Variants in TRHDE observed in about 807,000 individuals in gnomAD.
The protein encoded by TRHDE is thyrotropin releasing hormone degrading enzyme, also known as thyrotropin-releasing hormone-degrading ectoenzyme.
A neutral mutation model predicts 125.7 loss-of-function variants in TRHDE; 72 were observed. That is an observed-to-expected ratio of 0.57 (90% CI 0.47 to 0.70). The LOEUF is 0.70. TRHDE is among the 30% of genes least tolerant of loss of function. TRHDE has a pLI of 0.00. For missense variants in TRHDE, 1,110 were observed against 1,327.1 expected, an observed-to-expected ratio of 0.84 and a Z score of 2.54; for synonymous variants, 509 against 509.1, an observed-to-expected ratio of 1.00 and a Z score of 0.00.
At chr12:72,540,320 T>C (rs1218112189) in intron 6 of TRHDE, among the ~76,000 whole-genome samples, 1 of 151,796 alleles carries the variant, frequency 6.6e-6, no homozygotes, top group South Asian at 2.1e-4. Flanking sequence ...TGATATTCTA[T>C]AACTTTTGAA....
chr12:72,442,300 C>T (rs1875052923), intron 3 of TRHDE, among the ~76,000 whole-genome samples: 2 of 151,784 alleles, frequency 1.3e-5, no homozygotes, highest in African/African-American at 4.8e-5. Context: ...TTTTGCTCCA[C>T]AAAGAGAGGG....
chr12:72,656,666 C>A (rs1874719488), intron 17 of TRHDE, among the ~76,000 whole-genome samples: 1 of 151,970 alleles, frequency 6.6e-6, no homozygotes, highest in Non-Finnish European at 1.5e-5. Flanking sequence ...TTTTAGAGGG[C>A]CCCTTTAAAA....
At chr12:72,122,884 C>A (rs968273008) in intron 2 of TRHDE, among the ~76,000 whole-genome samples, 3 of 151,880 alleles carry the variant, frequency 2.0e-5, no homozygotes, top group African/African-American at 7.3e-5. Context: ...TTAAAACATA[C>A]CTTCTAAATG....
At chr12:72,137,820 A>G (rs983555638) in intron 2 of TRHDE, among the ~76,000 whole-genome samples, 6 of 152,198 alleles carry the variant, frequency 3.9e-5, no homozygotes, top group Non-Finnish European at 8.8e-5. Context: ...GTAGTTTTGA[A>G]AGTCAAAGCT....
intron 12 of TRHDE, among the ~76,000 whole-genome samples, chr12:72,584,488 C>T (rs1871363303): frequency 6.6e-6 from 1 of 152,148 alleles, no homozygotes; most frequent in African/African-American, 2.4e-5. Context: ...CAATGGATCT[C>T]TTGAAATTAT....
chr12:72,489,743 A>T (rs1447474081), intron 5 of TRHDE, among the ~76,000 whole-genome samples: 5 of 151,918 alleles, frequency 3.3e-5, no homozygotes, highest in Admixed American at 3.3e-4. Context: ...CACGATGAGA[A>T]AAAGATTGTG....
intron 2 of TRHDE, among the ~76,000 whole-genome samples, chr12:72,201,213 A>T (rs987394440): frequency 6.6e-6 from 1 of 152,196 alleles, no homozygotes; most frequent in Non-Finnish European, 1.5e-5. Flanking sequence ...AATTTCAGTC[A>T]GTGAAATAAA....
In TRHDE at chr12:72,213,211, A is replaced by T. The variant is rs181464076; in HGVS notation, n.279+107459A>T. Among the ~76,000 whole-genome samples the T allele has an allele frequency of 2.2e-4, 34 of 152,226 alleles. 1 individual carries two copies. The East Asian group carries it at 5.4e-3, about 24-fold the overall frequency. The stretch of plus-strand genomic sequence containing the variant: ...AGGGTGGGGGAGTGTATTGAGAGTG[A>T]CTGTTAATGGGTATTGGTTGCTTTT... On this transcript the variant is annotated intron_variant and non_coding_transcript_variant, in intron 2 of 4. Coordinates refer to the TRHDE transcript ENST00000548156.
chr12:72,137,654 G>C (rs1566239902), intron 2 of TRHDE: 1 of 152,174 alleles, frequency 6.6e-6, no homozygotes, highest in Non-Finnish European at 1.5e-5. Context: ...GCTCTTCTTT[G>C]CTGCTCTTCA....
chr12:72,340,544 G>A (rs576820874), intron 2 of TRHDE, among the ~76,000 whole-genome samples: 2 of 152,234 alleles, frequency 1.3e-5, no homozygotes, highest in African/African-American at 4.8e-5. Context: ...GGAGTATAGA[G>A]GTAGTCAGTC....
chr12:72,380,984 G>A (rs964137629), intron 3 of TRHDE, among the ~76,000 whole-genome samples: 1 of 151,842 alleles, frequency 6.6e-6, no homozygotes, highest in Non-Finnish European at 1.5e-5. Flanking sequence ...TGTTGTAAAG[G>A]GTCATTCTGT....
intron 2 of TRHDE, among the ~76,000 whole-genome samples, chr12:72,251,797 A>G (rs1878692248): frequency 6.6e-6 from 1 of 152,096 alleles, no homozygotes; most frequent in African/African-American, 2.4e-5. Flanking sequence ...TGCATGAGTG[A>G]TTCGATTCCT....
intron 2 of TRHDE, among the ~76,000 whole-genome samples, chr12:72,345,736 A>G (rs1870299664): frequency 6.6e-6 from 1 of 151,994 alleles, no homozygotes; most frequent in South Asian, 2.1e-4. Context: ...CCCGGTGGGC[A>G]TACCCCTTGG....
At chr12:72,537,921 T>C (rs1168968239) in intron 6 of TRHDE, among the ~76,000 whole-genome samples, 1 of 152,062 alleles carries the variant, frequency 6.6e-6, no homozygotes, top group Non-Finnish European at 1.5e-5. Context: ...CACTTCAACA[T>C]CTCTTATGTA....
At chr12:72,586,656 G>A (rs1871450696) in intron 12 of TRHDE, among the ~76,000 whole-genome samples, 1 of 152,088 alleles carries the variant, frequency 6.6e-6, no homozygotes, top group Admixed American at 6.6e-5. Flanking sequence ...ATGGCCTGGA[G>A]TGCAGTTGAT....
intron 2 of TRHDE, among the ~76,000 whole-genome samples, chr12:72,295,583 G>A (rs1880266036): frequency 6.6e-6 from 1 of 152,160 alleles, no homozygotes; most frequent in Non-Finnish European, 1.5e-5. Context: ...ATGGTGGTAT[G>A]TATATATGTA....
At position 72,187,308 on chromosome 12, in the gene TRHDE, ACAAC is replaced by A. The variant is rs1355906784; in HGVS notation, n.279+81557_279+81560del. On this transcript the variant is annotated intron_variant and non_coding_transcript_variant, in intron 2 of 4. Transcript: ENST00000548156. ...GTGTACTAGGGTTCTTCAGAGAAAC[ACAAC>A]ACACACACACACACACACACACACA... 6.2e-3 allele frequency among the ~76,000 whole-genome samples: 827 copies of A among 132,750 alleles called. 6 individuals carry two copies. Among genetic ancestry groups the A allele is most frequent in the African/African-American group, 0.023 (757 of 33,012 alleles). The allele number at this position is 132,750 out of a possible 152,430, so 87.1% of individuals were successfully genotyped here.
chr12:72,569,085 A>G lies in TRHDE; in HGVS notation c.2131+429A>G, dbSNP rs376541816. 9.2e-5 allele frequency among the ~76,000 whole-genome samples: 14 copies of G among 152,190 alleles called. No homozygotes were observed. In the East Asian group the frequency reaches 1.5e-3, roughly 17 times the overall value. ...TGAGAGAGGCAATATTCTCCATGGA[A>G]TTATATAATTACAGGGCCAGAAGGT... is the stretch of plus-strand genomic sequence containing the variant. On this transcript the variant is annotated intron_variant, in intron 10 of 18. Transcript: ENST00000261180.
chr12:72,372,801 T>C (rs1484284423), intron 2 of TRHDE, among the ~76,000 whole-genome samples: 1 of 152,196 alleles, frequency 6.6e-6, no homozygotes, highest in Non-Finnish European at 1.5e-5. Flanking sequence ...AGACTTGTAG[T>C]ATAGTTTGAA....
Sources: gnomAD v4.1 joint callset for allele counts (sites outside exome capture counted in the v4.1 genomes callset) on GRCh38, gnomAD v4.1.1 for gene constraint, MANE v1.5 for transcripts, NCBI Gene and HGNC (gene_info 2026-07-23, HGNC 2026-07-21) for gene names.